Variants in GRIK2 observed in about 807,000 individuals in gnomAD.
GRIK2 encodes the protein glutamate ionotropic receptor kainate type subunit 2, also known as glutamate receptor ionotropic, kainate 2.
Under a neutral mutation model 100.3 loss-of-function variants are expected in GRIK2, and 32 were observed. The ratio of observed to expected loss-of-function variants is 0.32; its 90% CI spans 0.24 to 0.43. GRIK2 has a LOEUF of 0.43. Ranked by LOEUF, GRIK2 falls within the 20% of genes least tolerant of loss-of-function variation. GRIK2 has a pLI of 1.00. For missense variants in GRIK2, 843 were observed against 1,114.9 expected (o/e 0.76, Z 3.47); for synonymous variants, 417 against 389.4 (o/e 1.07, Z -0.83).
chr6:101,759,729 T>A (rs7760353), intron 7 of GRIK2, among the ~76,000 whole-genome samples: 37,415 of 151,748 alleles, frequency 0.25, 7,129 homozygotes, highest in East Asian at 0.7. Flanking sequence ...ACAGTCACAA[T>A]TGTGTTTGTA....
chr6:101,598,141 C>G (rs1779015442), intron 2 of GRIK2, among the ~76,000 whole-genome samples: 1 of 150,584 alleles, frequency 6.6e-6, no homozygotes, highest in Non-Finnish European at 1.5e-5. Context: ...TTGGATAATG[C>G]TCTCTCTCTT....
At chr6:101,984,655 A>ACACC (rs369665252) in intron 14 of GRIK2, among the ~76,000 whole-genome samples, 3,231 of 148,636 alleles carry the variant, frequency 0.022, 68 homozygotes, top group Middle Eastern at 0.069. Flanking sequence ...ACACACACAC[A>ACACC]CCCTTCAACT....
intron 2 of GRIK2, among the ~76,000 whole-genome samples, chr6:101,533,465 G>A (rs553932794): frequency 6.6e-6 from 1 of 152,066 alleles, no homozygotes; most frequent in South Asian, 2.1e-4. Flanking sequence ...AAAGAGGCAT[G>A]AGTCAAGTTT....
At chr6:101,794,814 T>C (rs1583167081) in intron 7 of GRIK2, among the ~76,000 whole-genome samples, 1 of 151,654 alleles carries the variant, frequency 6.6e-6, no homozygotes, top group East Asian at 1.9e-4. Context: ...TTGTGTCCTT[T>C]TCTGTCCTTA....
At chr6:101,742,639 A>T (rs1331872448) in intron 7 of GRIK2, among the ~76,000 whole-genome samples, 1 of 152,078 alleles carries the variant, frequency 6.6e-6, no homozygotes, top group Non-Finnish European at 1.5e-5. Flanking sequence ...GCTATAGATA[A>T]ATTGAAACAT....
At chr6:101,970,320 C>T (rs1326667511) in intron 14 of GRIK2, among the ~76,000 whole-genome samples, 1 of 151,534 alleles carries the variant, frequency 6.6e-6, no homozygotes, top group Non-Finnish European at 1.5e-5. Context: ...CAGGATGGTT[C>T]TTGCCATCAC....
At chr6:101,513,579 T>A (rs940068868) in intron 2 of GRIK2, among the ~76,000 whole-genome samples, 1 of 152,196 alleles carries the variant, frequency 6.6e-6, no homozygotes, top group Non-Finnish European at 1.5e-5. Context: ...AATATTTTGA[T>A]GTTCTTCTTT....
intron 14 of GRIK2, among the ~76,000 whole-genome samples, chr6:102,006,489 C>T (rs10447455): frequency 0.079 from 11,824 of 150,018 alleles, 586 homozygotes; most frequent in Middle Eastern, 0.19. Context: ...TCATCTCAAC[C>T]TCTTGAGTAG....
At chr6:101,415,882 T>C (rs963004867) in intron 2 of GRIK2, among the ~76,000 whole-genome samples, 3 of 152,188 alleles carry the variant, frequency 2.0e-5, no homozygotes, top group Non-Finnish European at 4.4e-5. Context: ...GATAATATTA[T>C]CTACCCTTTA....
At chr6:101,419,218 A>T (rs1487452619) in intron 2 of GRIK2, among the ~76,000 whole-genome samples, 1 of 152,202 alleles carries the variant, frequency 6.6e-6, no homozygotes, top group Non-Finnish European at 1.5e-5. Flanking sequence ...CCATGGATGT[A>T]GGACCTATTC....
At chr6:101,489,116 C>T (rs1423654390) in intron 2 of GRIK2, among the ~76,000 whole-genome samples, 1 of 145,600 alleles carries the variant, frequency 6.9e-6, no homozygotes, top group Non-Finnish European at 1.5e-5. Context: ...TCTAGAATAC[C>T]CCCCATTCTG....
intron 11 of GRIK2, among the ~76,000 whole-genome samples, chr6:101,888,143 T>TATTG (rs1786787670): frequency 6.6e-6 from 1 of 152,108 alleles, no homozygotes; most frequent in African/African-American, 2.4e-5. Context: ...CTGTACAAAT[T>TATTG]ATTGAATGAA....
chr6:102,011,560 T>A (rs1305015340), intron 14 of GRIK2, among the ~76,000 whole-genome samples: 1 of 148,858 alleles, frequency 6.7e-6, no homozygotes, highest in African/African-American at 2.5e-5. Flanking sequence ...TTATTTCTTT[T>A]TTTTTTCTTT....
At chr6:101,720,070 A>G (rs1260535894) in intron 7 of GRIK2, among the ~76,000 whole-genome samples, 1 of 151,610 alleles carries the variant, frequency 6.6e-6, no homozygotes, top group Non-Finnish European at 1.5e-5. Flanking sequence ...TTGAATGTTC[A>G]TTGTAGTTCA....
rs188588157 is a variant in GRIK2 at position 101,580,294 on chromosome 6, C to G, written c.116-41655C>G. Among the ~76,000 whole-genome samples the G allele has an allele frequency of 5.3e-5, 8 of 152,120 alleles. No homozygotes were observed. The South Asian group carries it at 6.2e-4, about 12-fold the overall frequency. ...GTTGGTTGGTTTTTTTGGAATCTTC[C>G]CTGATTTAACAAATGGCTACCCAAC... On this transcript the variant is annotated intron_variant, in intron 2 of 16. Transcript: ENST00000369134.
At chr6:101,396,241 T>C (rs978326749) in intron 1 of GRIK2, among the ~76,000 whole-genome samples, 1 of 115,764 alleles carries the variant, frequency 8.6e-6, no homozygotes, top group Non-Finnish European at 1.8e-5. Flanking sequence ...AAATTTAGCA[T>C]TCCCCCCCCC....
At chr6:101,792,422 G>T (rs569233284) in intron 7 of GRIK2, among the ~76,000 whole-genome samples, 1 of 151,988 alleles carries the variant, frequency 6.6e-6, no homozygotes, top group Non-Finnish European at 1.5e-5. Flanking sequence ...AAATCTCTCA[G>T]CATTTGCTTG....
At chr6:101,949,513 C>T (rs1256720427) in intron 14 of GRIK2, among the ~76,000 whole-genome samples, 1 of 152,014 alleles carries the variant, frequency 6.6e-6, no homozygotes, top group Non-Finnish European at 1.5e-5. Context: ...TCCCCTAGTC[C>T]CCCATCCCCA....
At chr6:101,588,728 ATTTG>A (rs1778505831) in intron 2 of GRIK2, among the ~76,000 whole-genome samples, 1 of 152,002 alleles carries the variant, frequency 6.6e-6, no homozygotes, top group East Asian at 1.9e-4. Flanking sequence ...AGCAGCCCAT[ATTTG>A]GGTGCATTGA....
Sources: gnomAD v4.1 joint callset for allele counts (sites outside exome capture counted in the v4.1 genomes callset) on GRCh38, gnomAD v4.1.1 for gene constraint, MANE v1.5 for transcripts, NCBI Gene and HGNC (gene_info 2026-07-23, HGNC 2026-07-21) for gene names.